The following RPA1 variants were observed in gnomAD, a reference collection of about 807,000 sequenced individuals.
RPA1 encodes the protein replication protein A1.
RPA1 carries 49 observed loss-of-function variants against 83.0 expected under a neutral mutation model. The ratio of observed to expected loss-of-function variants is 0.59; its 90% confidence interval spans 0.47 to 0.75. The LOEUF (loss-of-function observed/expected upper bound fraction) is 0.75, where lower values mean the gene tolerates loss of function less well. Among genes scored for constraint, RPA1 ranks in the 30% least tolerant of loss-of-function variants. RPA1 has a pLI of 0.00. For missense variants in RPA1, 693 were observed against 776.1 expected, an observed-to-expected ratio of 0.89 and a Z score of 1.27; for synonymous variants, 279 against 281.8, an observed-to-expected ratio of 0.99 and a Z score of 0.10.
At chr17:1,868,010 G>A (rs1256768979) in intron 5 of RPA1, among the ~76,000 whole-genome samples, 1 of 152,136 alleles carries the variant, frequency 6.6e-6, no homozygotes, top group Non-Finnish European at 1.5e-5. Context: ...TTGAGGCCAG[G>A]AGGTCAAGGC....
chr17:1,862,918 A>G (rs1224151283), intron 5 of RPA1, among the ~76,000 whole-genome samples: 1 of 151,702 alleles, frequency 6.6e-6, no homozygotes, highest in African/African-American at 2.4e-5. Context: ...AAGTTTCACC[A>G]TGTTGGCCAG....
At position 1,879,665 on chromosome 17, in the gene RPA1, G is replaced by A. The variant is rs777942778; in HGVS notation, c.1058G>A (p.Gly353Glu). 6.2e-7 allele frequency: 1 copy of A among 1,614,262 alleles called. No homozygotes were observed. The change falls in exon 11 of 17, where the codon GGG (glycine) becomes GAG (glutamate). Residue 353 changes from glycine (G) to glutamate (E), a missense_variant. Transcript: ENST00000254719. ...AATATCTACTTGATGGACACATCCG[G>A]GAAGGTGGTGACTGCTACACTGTGG... ...KRNIYLMDTS[G>E]KVVTATLWGE...
At chr17:1,874,032 T>TATACACACACACAC (rs1171343408) in intron 6 of RPA1, among the ~76,000 whole-genome samples, 15 of 79,256 alleles carry the variant, frequency 1.9e-4, no homozygotes, top group African/African-American at 8.8e-4. Flanking sequence ...TATATATATA[T>TATACACACACACAC]ACACACACAC....
rs1287669764 is a variant in RPA1 at position 1,874,026 on chromosome 17, T to TACAC, written c.454+1501_454+1502insCACA. ...AAAAAAAAAAAAATATATATATATA[T>TACAC]ATATATACACACACACACACACACA... On this transcript the variant is annotated intron_variant, in intron 6 of 16. Coordinates refer to ENST00000254719, the MANE Select transcript of RPA1 (RefSeq NM_002945.5). 4.8e-3 allele frequency among the ~76,000 whole-genome samples: 534 copies of TACAC among 110,130 alleles called. 6 individuals carry two copies. The highest frequency in any genetic ancestry group is 7.3e-3 in the Non-Finnish European group (423 of 57,876). The allele number at this position is 110,130 out of a possible 152,430, so 72.2% of individuals were successfully genotyped here.
chr17:1,847,723 T>C lies in RPA1; in HGVS notation c.272+3037T>C, dbSNP rs539059130. Among the ~76,000 whole-genome samples, 9 of 152,274 alleles carry C rather than the reference T, an allele frequency of 5.9e-5. No individual in the cohort carries two copies. In the East Asian group the frequency reaches 1.7e-3, roughly 29 times the overall value. The stretch of plus-strand genomic sequence containing the variant: ...ATACTAATTATACTCATAAATGTTA[T>C]ATAAGAGTATCTATTGGCCAGGCAC... On this transcript the variant is annotated intron_variant, in intron 4 of 16. Transcript: ENST00000254719.
intron 1 of RPA1, among the ~76,000 whole-genome samples, chr17:1,832,440 G>A (rs983614060): frequency 1.1e-4 from 17 of 152,080 alleles, no homozygotes; most frequent in African/African-American, 4.1e-4. Context: ...AGGCTGGAGT[G>A]CAGTGGCACG....
Position 1,872,527 on chromosome 17 carries a change from G to A in RPA1, c.454+1G>A. 6.2e-7 allele frequency: 1 copy of A among 1,613,536 alleles called. No homozygotes were observed. The highest frequency in any genetic ancestry group is 8.5e-7 in the Non-Finnish European group (1 of 1,179,908). On this transcript the variant is annotated splice_donor_variant, in intron 6 of 16. Coordinates refer to ENST00000254719, the MANE Select transcript of RPA1 (RefSeq NM_002945.5). LOFTEE classifies it high-confidence loss of function. ...CCGCAGAATGGAAGCTCGGGAATGG[G>A]TGAGATGCCTCACGGGGCGTGCGCT...
At chr17:1,890,635 C>T (rs1385041115) in intron 14 of RPA1, among the ~76,000 whole-genome samples, 1 of 152,086 alleles carries the variant, frequency 6.6e-6, no homozygotes, top group Non-Finnish European at 1.5e-5. Context: ...TGCATTCCAG[C>T]CTGGGTGACA....
chr17:1,831,379 C>T (rs1374119096), intron 1 of RPA1, among the ~76,000 whole-genome samples: 1 of 152,080 alleles, frequency 6.6e-6, no homozygotes, highest in Non-Finnish European at 1.5e-5. Flanking sequence ...GTGTATTTTG[C>T]CTCTGCGTAG....
intron 1 of RPA1, among the ~76,000 whole-genome samples, chr17:1,837,143 AT>A (rs1258713787): frequency 1.3e-5 from 2 of 151,990 alleles, no homozygotes; most frequent in East Asian, 3.9e-4. Flanking sequence ...GCCTAAAAAT[AT>A]TTTTTGTAGC....
chr17:1,856,994 G>A (rs1011013974), intron 5 of RPA1, among the ~76,000 whole-genome samples: 18 of 151,694 alleles, frequency 1.2e-4, no homozygotes, highest in Middle Eastern at 3.4e-3. Context: ...TACTTACTTC[G>A]GGTTTTGTAT....
intron 6 of RPA1, 102 bp from the exon 7 acceptor site, chr17:1,875,559 T>C: frequency 7.9e-7 from 1 of 1,265,372 alleles, no homozygotes; most frequent in Non-Finnish European, 1.1e-6. Context: ...TTATATGATT[T>C]CACTAGTGGC....
intron 5 of RPA1, among the ~76,000 whole-genome samples, chr17:1,860,361 G>T (rs776357539): frequency 6.6e-6 from 1 of 152,086 alleles, no homozygotes; most frequent in Non-Finnish European, 1.5e-5. Flanking sequence ...TTGTTGCCCA[G>T]GCTGGTCTCA....
In RPA1 at chr17:1,899,687, G is replaced by T. The variant is rs2151295594; in HGVS notation, c.*2512G>T. On this transcript the variant is annotated 3_prime_UTR_variant, in exon 17 of 17. Coordinates refer to ENST00000254719, the MANE Select transcript of RPA1 (RefSeq NM_002945.5). ...ATTTAATACACTAATGAAACCCATG[G>T]TTATTGACTACATAATTAATATACT... 6.6e-6 allele frequency: 1 copy of T among 152,206 alleles called. No homozygotes were observed. Among genetic ancestry groups the T allele is most frequent in the East Asian group, 1.9e-4 (1 of 5,186 alleles). 9.4% of individuals were successfully genotyped at this position (152,206 alleles called of 1,614,324 possible).
At position 1,898,083 on chromosome 17, in the gene RPA1, T is replaced by C. The variant is rs1327804719; in HGVS notation, c.*908T>C. On this transcript the variant is annotated 3_prime_UTR_variant, in exon 17 of 17. Coordinates refer to ENST00000254719, the MANE Select transcript of RPA1 (RefSeq NM_002945.5). ...TCTTTGGTTGTGAATCCTACTTTCT[T>C]TGAATGCAAAGAGTTCCTATAACTG... 5 of 152,230 alleles carry C rather than the reference T, an allele frequency of 3.3e-5. No homozygotes were observed. The highest frequency in any genetic ancestry group is 7.3e-5 in the Non-Finnish European group (5 of 68,040). The allele number at this position is 152,230 out of a possible 1,614,324, so 9.4% of individuals were successfully genotyped here. A position where few individuals can be genotyped will look rare whatever the true frequency, so the allele number is the denominator to read the frequency against.
chr17:1,858,585 T>C, intron 5 of RPA1: 1 of 621,122 alleles, frequency 1.6e-6, no homozygotes, highest in Non-Finnish European at 2.9e-6. Context: ...CACATCAGCC[T>C]CCTGAGTAGC....
At chr17:1,836,108 T>G (rs967825030) in intron 1 of RPA1, among the ~76,000 whole-genome samples, 4 of 73,534 alleles carry the variant, frequency 5.4e-5, no homozygotes, top group African/African-American at 1.2e-4. Flanking sequence ...AAATTGCACC[T>G]TTTTTATTTA....
Position 1,896,941 on chromosome 17 carries a change from G to A in RPA1, c.1747-130G>A, listed in dbSNP as rs1914456310. 1.2e-5 allele frequency: 9 copies of A among 744,566 alleles called. No homozygotes were observed. The Admixed American group carries it at 1.4e-4, about 12-fold the overall frequency. The allele number at this position is 744,566 out of a possible 1,614,324, so 46.1% of individuals were successfully genotyped here. On this transcript the variant is annotated intron_variant, in intron 16 of 16. Transcript: ENST00000254719. ...TTCAGGAGGAGGCTGTCACTCACTGGAATGACTGAACTCTGAACCCGTGCG... is the reference window on the plus strand; with the variant it reads ...TTCAGGAGGAGGCTGTCACTCACTGAAATGACTGAACTCTGAACCCGTGCG...
At chr17:1,850,824 G>A (rs572263098) in intron 4 of RPA1, among the ~76,000 whole-genome samples, 253 of 152,098 alleles carry the variant, frequency 1.7e-3, no homozygotes, top group Middle Eastern at 6.8e-3. Flanking sequence ...CCTGGGAGGC[G>A]GAGGTTGCAG....
Sources: allele counts gnomAD v4.1 joint callset (sites outside exome capture counted in the v4.1 genomes callset), GRCh38; gene constraint gnomAD v4.1.1; transcripts MANE v1.5; gene names NCBI Gene and HGNC (gene_info 2026-07-23, HGNC 2026-07-21).